The following PCCA variants were observed in gnomAD, a reference collection of about 807,000 sequenced individuals.
PCCA encodes propionyl-CoA carboxylase subunit alpha, also known as propionyl-CoA carboxylase alpha chain, mitochondrial.
PCCA carries 74 observed loss-of-function variants against 101.3 expected under a neutral mutation model. The ratio of observed to expected loss-of-function variants is 0.73; its 90% CI spans 0.61 to 0.89. PCCA has a LOEUF of 0.89. Ranked by LOEUF, PCCA falls within the 40% of genes least tolerant of loss-of-function variation. PCCA has a pLI of 0.00. For synonymous variants in PCCA, 294 were observed against 313.6 expected (o/e 0.94, Z 0.66); for missense variants, 891 against 907.0 (o/e 0.98, Z 0.23).
chr13:100,471,666 C>T (rs900796874), intron 21 of PCCA, among the ~76,000 whole-genome samples: 3 of 152,136 alleles, frequency 2.0e-5, no homozygotes, highest in Non-Finnish European at 4.4e-5. Context: ...CTGTTAATGC[C>T]ACATCTGTCT....
chr13:100,345,825 A>T (rs536462404), intron 18 of PCCA, among the ~76,000 whole-genome samples: 1 of 152,210 alleles, frequency 6.6e-6, no homozygotes, highest in African/African-American at 2.4e-5. Context: ...GCCAGTGCTC[A>T]TTTACCATTT....
intron 21 of PCCA, among the ~76,000 whole-genome samples, chr13:100,514,311 C>T (rs1201921829): frequency 2.6e-5 from 4 of 152,128 alleles, no homozygotes; most frequent in African/African-American, 4.8e-5. Flanking sequence ...TTCAGTAGGC[C>T]CTGTGAAGAG....
intron 20 of PCCA, among the ~76,000 whole-genome samples, chr13:100,440,243 A>G (rs1302654537): frequency 1.4e-5 from 2 of 143,320 alleles, no homozygotes; most frequent in South Asian, 2.3e-4. Context: ...CAGTGGGCCT[A>G]TGTAATATAA....
intron 1 of PCCA, among the ~76,000 whole-genome samples, chr13:100,100,293 C>T (rs1214844964): frequency 6.6e-6 from 1 of 152,134 alleles, no homozygotes; most frequent in African/African-American, 2.4e-5. Flanking sequence ...GTGGAAAATA[C>T]AGGAAATCAT....
intron 10 of PCCA, among the ~76,000 whole-genome samples, chr13:100,263,870 CGT>C (rs1491368062): frequency 7.0e-6 from 1 of 142,372 alleles, no homozygotes; most frequent in Admixed American, 7.0e-5. Context: ...ATCTGTATAT[CGT>C]ATATATATGG....
intron 8 of PCCA, among the ~76,000 whole-genome samples, chr13:100,246,972 G>A (rs900954990): frequency 1.3e-4 from 20 of 150,188 alleles, no homozygotes; most frequent in Middle Eastern, 6.5e-3. Context: ...GCAATGGTGC[G>A]ATCTTGGCTC....
chr13:100,367,090 A>T (rs2075234205), intron 18 of PCCA, among the ~76,000 whole-genome samples: 1 of 152,210 alleles, frequency 6.6e-6, no homozygotes, highest in African/African-American at 2.4e-5. Flanking sequence ...CAAAATGCTG[A>T]TGTTTAGTAC....
At position 100,268,731 on chromosome 13, in the gene PCCA, A is replaced by G. The variant is rs121964957; in HGVS notation, c.862A>G (p.Arg288Gly). Residue 288 changes from arginine to glycine, a missense_variant, in exon 11 of 24, where the codon AGA becomes GGA. Coordinates refer to ENST00000376285, the MANE Select transcript of PCCA (RefSeq NM_000282.4). ...KHGNALWLNE[R>G]ECSIQRRNQK... is the part of the protein sequence containing the mutation. The stretch of plus-strand genomic sequence containing the variant: ...TGGGAATGCTTTATGGCTTAATGAA[A>G]GAGAGTGCTCAATTCAGAGAAGAAA... 5 of 1,614,028 alleles carry G rather than the reference A, an allele frequency of 3.1e-6. No individual in the cohort carries two copies. The highest frequency in any genetic ancestry group is 4.2e-6 in the Non-Finnish European group (5 of 1,179,958).
chr13:100,089,936 T>C (rs997830663), intron 1 of PCCA, among the ~76,000 whole-genome samples: 1 of 152,186 alleles, frequency 6.6e-6, no homozygotes, highest in African/African-American at 2.4e-5. Context: ...TTGTGTGTGC[T>C]TCTGAGCTCT....
At chr13:100,432,108 G>A (rs1274379995) in intron 20 of PCCA, among the ~76,000 whole-genome samples, 1 of 151,874 alleles carries the variant, frequency 6.6e-6, no homozygotes, top group Non-Finnish European at 1.5e-5. Flanking sequence ...CTGGACCCCT[G>A]CACTCCAGCC....
At chr13:100,520,292 A>G (rs2087133816) in intron 22 of PCCA, among the ~76,000 whole-genome samples, 1 of 152,314 alleles carries the variant, frequency 6.6e-6, no homozygotes, top group Admixed American at 6.5e-5. Flanking sequence ...TTCAGAGGTA[A>G]CGACTACCCC....
intron 19 of PCCA, among the ~76,000 whole-genome samples, chr13:100,389,744 T>C (rs2076711776): frequency 1.3e-5 from 2 of 151,868 alleles, no homozygotes; most frequent in Admixed American, 1.3e-4. Context: ...AAGCTTGAAG[T>C]GTGGGACCTG....
chr13:100,262,990 A>G (rs181402563), intron 10 of PCCA, among the ~76,000 whole-genome samples, 159 bp downstream of exon 10: 103 of 152,220 alleles, frequency 6.8e-4, no homozygotes, highest in African/African-American at 2.4e-3. Context: ...GGGATTGGGA[A>G]TGATACAAAA....
intron 19 of PCCA, among the ~76,000 whole-genome samples, chr13:100,412,575 A>G (rs561310088): frequency 6.6e-6 from 1 of 152,384 alleles, no homozygotes; most frequent in Admixed American, 6.5e-5. Flanking sequence ...AACAGTTAAA[A>G]GTAAGGTCAT....
intron 6 of PCCA, chr13:100,160,855 C>G (rs1207547594): frequency 6.6e-6 from 1 of 152,134 alleles, no homozygotes; most frequent in East Asian, 1.9e-4. Context: ...TCTGGTTTTT[C>G]TATGTTGTTT....
chr13:100,178,848 C>T (rs563819130), intron 6 of PCCA, among the ~76,000 whole-genome samples: 34 of 151,970 alleles, frequency 2.2e-4, no homozygotes, highest in East Asian at 1.9e-4. Flanking sequence ...GAGGCTGAGG[C>T]GGGCGGATCA....
rs1266986640 is a variant in PCCA, at chr13:100,257,665, A to T, written c.708A>T (p.Glu236Asp). 1.2e-6 allele frequency: 2 copies of T among 1,612,202 alleles called. No homozygotes were observed. Among genetic ancestry groups the T allele is most frequent in the Non-Finnish European group, 1.7e-6 (2 of 1,178,506 alleles). ...GKGMRIAWDD[E>D]ETRDGFRLSS... ...GCATGCGCATTGCTTGGGATGATGA[A>T]GAGACCAGGTGAGAGGCTGTCCAAA... Residue 236 changes from glutamate to aspartate, a missense_variant, in exon 9 of 24, where the codon GAA (glutamate) becomes GAT (aspartate). Glu to Asp is a conservative substitution (Grantham distance 45). Transcript: ENST00000376285.
chr13:100,363,247 A>C (rs2074823851), intron 18 of PCCA, among the ~76,000 whole-genome samples: 2 of 152,016 alleles, frequency 1.3e-5, no homozygotes, highest in Admixed American at 6.5e-5. Context: ...CCCCTTCCCC[A>C]ACCCTGGGGA....
chr13:100,293,361 T>C, intron 12 of PCCA: 1 of 327,048 alleles, frequency 3.1e-6, no homozygotes, highest in Non-Finnish European at 6.4e-6. Flanking sequence ...TTTAGAAATT[T>C]TTTTGTAACT....
Sources: allele counts gnomAD v4.1 joint callset (sites outside exome capture counted in the v4.1 genomes callset), GRCh38; gene constraint gnomAD v4.1.1; transcripts MANE v1.5; gene names NCBI Gene and HGNC (gene_info 2026-07-23, HGNC 2026-07-21).